The following FER1L5 variants were observed in gnomAD, a reference collection of about 807,000 sequenced individuals.
FER1L5 encodes fer-1 like family member 5.
In FER1L5, 187 loss-of-function variants were observed where a neutral mutation model predicts 279.9. The ratio of observed to expected loss-of-function variants is 0.67; its 90% CI spans 0.59 to 0.75. The LOEUF is 0.75. FER1L5 is among the 30% of genes least tolerant of loss of function. The pLI, the probability that FER1L5 is intolerant of heterozygous loss-of-function variation, is 0.00. For missense variants in FER1L5, 2,091 were observed against 2,594.4 expected (o/e 0.81, Z 4.21); for synonymous variants, 921 against 989.7 (o/e 0.93, Z 1.30).
chr2:96,672,088 T>A (rs533427139), intron 18 of FER1L5, among the ~76,000 whole-genome samples: 35 of 151,946 alleles, frequency 2.3e-4, no homozygotes, highest in South Asian at 6.2e-4. Flanking sequence ...AGTAAAAAAA[T>A]TTTTTTTGAG....
Position 96,670,210 on chromosome 2 carries a change from C to T in FER1L5, c.1454C>T (p.Thr485Met), listed in dbSNP as rs1247011448. 1.6e-5 allele frequency: 25 copies of T among 1,551,406 alleles called. 1 individual carries two copies. Among genetic ancestry groups the T allele is most frequent in the Middle Eastern group, 3.3e-4 (2 of 6,014 alleles). The part of the protein sequence containing the change: ...ITQIKSYQDS[T>M]IKDLSHEVTR... ...CAAATCAAGTCCTATCAAGACTCCA[C>T]GATAAAGGATCTCTCCCATGAAGTG... The change falls in exon 18 of 53, where the codon ACG becomes ATG. Residue 485 changes from threonine (T) to methionine (M), a missense_variant. Physicochemically the swap from Thr to Met is moderately conservative, Grantham distance 81 (BLOSUM62 -1). Transcript: ENST00000624922.
intron 23 of FER1L5, among the ~76,000 whole-genome samples, chr2:96,686,908 C>G (rs1304630439): frequency 6.6e-6 from 1 of 151,592 alleles, no homozygotes; most frequent in African/African-American, 2.4e-5. Flanking sequence ...CCTCTATCAT[C>G]CTCATGGCCA....
In FER1L5 at chr2:96,698,654, C is replaced by A. The variant is rs748315673; in HGVS notation, c.4357-17C>A. On this transcript the variant is annotated splice_polypyrimidine_tract_variant and intron_variant, in intron 40 of 52. Coordinates refer to ENST00000624922, the MANE Select transcript of FER1L5 (RefSeq NM_001293083.2). This position sits in a 1 kb window ranked among gnomAD's most constrained non-coding sequence, Gnocchi z 5.5. ...CAGCACTGCCAGGCTGGGCCCCCAA[C>A]ACCCTCCCCCCGCCAGGGCCTTTTC... The A allele has an allele frequency of 6.4e-7, 1 of 1,571,518 alleles. No individual in the cohort carries two copies. Among genetic ancestry groups the A allele is most frequent in the South Asian group, 1.2e-5 (1 of 85,334 alleles).
intron 31 of FER1L5, 42 bp from the exon 32 acceptor site, chr2:96,693,456 GCCCCTCTT>G: frequency 2.7e-6 from 4 of 1,493,810 alleles, no homozygotes; most frequent in Non-Finnish European, 3.6e-6. Context: ...GGAGAGGAAA[GCCCCTCTT>G]CCCAGCTCAA....
intron 5 of FER1L5, among the ~76,000 whole-genome samples, 198 bp from the exon 6 acceptor site, chr2:96,649,982 G>T (rs1170806700): frequency 6.6e-6 from 1 of 152,218 alleles, no homozygotes; most frequent in African/African-American, 2.4e-5. Context: ...TGTGGAGCAG[G>T]GTCCAGGGAT....
intron 11 of FER1L5, 102 bp downstream of exon 11, chr2:96,661,542 C>T (rs867574805): frequency 1.7e-4 from 254 of 1,505,016 alleles, no homozygotes; most frequent in African/African-American, 1.5e-3. Flanking sequence ...CTCCTTTGTC[C>T]GCTGCGTCAC....
At chr2:96,652,267 A>T in intron 7 of FER1L5, 4 of 524,688 alleles carry the variant, frequency 7.6e-6, no homozygotes, top group Non-Finnish European at 1.4e-5. Context: ...AACAGAGCAG[A>T]TCCTGGTTTA....
rs567283154 is a variant in FER1L5, at chr2:96,704,701, T to A, written c.*9T>A. The A allele has an allele frequency of 4.9e-5, 79 of 1,611,592 alleles. No homozygotes were observed. In the South Asian group the frequency reaches 8.5e-4, roughly 17 times the overall value. On this transcript the variant is annotated 3_prime_UTR_variant, in exon 53 of 53. Transcript: ENST00000624922. Reference sequence around the variant, plus strand: ...CAGCCCCAGGAGACTAATTAGTCCATGCTGCCTGGCTTTCCTCCTGCTACC... The same window carrying A: ...CAGCCCCAGGAGACTAATTAGTCCAAGCTGCCTGGCTTTCCTCCTGCTACC...
At chr2:96,680,157 A>G (rs144635832) in intron 19 of FER1L5, among the ~76,000 whole-genome samples, 2 of 152,016 alleles carry the variant, frequency 1.3e-5, no homozygotes, top group Non-Finnish European at 2.9e-5. Flanking sequence ...TGCAGATTAT[A>G]TCTGTCTCCT....
chr2:96,688,613 A>G (rs898193964), intron 24 of FER1L5, among the ~76,000 whole-genome samples: 12 of 152,148 alleles, frequency 7.9e-5, no homozygotes, highest in African/African-American at 2.9e-4. Flanking sequence ...ACTGAATTAA[A>G]ACATACGTTT....
In FER1L5 at chr2:96,701,806, T is replaced by C. The variant is rs536944508; in HGVS notation, c.5071-149T>C. On this transcript the variant is annotated intron_variant, in intron 45 of 52. Coordinates refer to ENST00000624922, the MANE Select transcript of FER1L5 (RefSeq NM_001293083.2). ...AGGGGGAAGCTGGTGCGTGGTCACCTGCGGCCTCACAGATATCTCTGTACC... is the reference window on the plus strand; with the variant it reads ...AGGGGGAAGCTGGTGCGTGGTCACCCGCGGCCTCACAGATATCTCTGTACC... 65 of 674,758 alleles carry C rather than the reference T, an allele frequency of 9.6e-5. No homozygotes were observed. The African/African-American group carries it at 1.1e-3, about 11-fold the overall frequency. The allele number at this position is 674,758 out of a possible 1,614,324, so 41.8% of individuals were successfully genotyped here. A position where few individuals can be genotyped will look rare whatever the true frequency, so the allele number is the denominator to read the frequency against.
Position 96,669,116 on chromosome 2 carries a change from C to T in FER1L5, c.1341C>T (p.Phe447=). 1 of 1,551,714 alleles carries T rather than the reference C, an allele frequency of 6.4e-7. No individual in the cohort carries two copies. The highest frequency in any genetic ancestry group is 8.7e-7 in the Non-Finnish European group (1 of 1,146,996). ...TGCATGGGGGTAAAAAGGCCCCTTT[C>T]AGGATCCAGGAAGAAGGCGCTGTAA... ...LTLHGGKKAP[F]RIQEEGACIP... The change falls in exon 17 of 53, where the codon TTC becomes TTT. Residue 447 remains phenylalanine (F), a synonymous_variant. Coordinates refer to ENST00000624922, the MANE Select transcript of FER1L5 (RefSeq NM_001293083.2).
rs577027592 is a variant in FER1L5, at chr2:96,692,181, G to C, written c.3292G>C (p.Gly1098Arg). Reference protein sequence around the residue: ...LVSNQILTFQGPFIRVVFLNH... With the variant: ...LVSNQILTFQRPFIRVVFLNH... ...GTCCAATCAGATCCTGACATTCCAA[G>C]GTAGGTGGCAGGCAGCCTTGTCCCC... The change falls in exon 31 of 53, where the codon GGG (glycine) becomes CGG (arginine). Residue 1098 changes from glycine (G) to arginine (R), a missense_variant and splice_region_variant. Transcript: ENST00000624922. 3 of 1,551,692 alleles carry C rather than the reference G, an allele frequency of 1.9e-6. No individual in the cohort carries two copies. In the African/African-American group the frequency reaches 4.1e-5, roughly 21 times the overall value.
At chr2:96,650,089 G>A in intron 5 of FER1L5, 91 bp from the exon 6 acceptor site, 2 of 990,790 alleles carry the variant, frequency 2.0e-6, no homozygotes. Context: ...TCAGGAGATG[G>A]TCACTGGGGA....
In FER1L5 at chr2:96,699,966, C is replaced by T. The variant is rs1355729045; in HGVS notation, c.4816C>T (p.Pro1606Ser). The T allele has an allele frequency of 6.2e-7, 1 of 1,613,968 alleles. No homozygotes were observed. The highest frequency in any genetic ancestry group is 1.1e-5 in the South Asian group (1 of 91,086). ...GPFRWRDQMPPSYLLERYAKR... is the reference protein window; with the variant it reads ...GPFRWRDQMPSSYLLERYAKR... ...CTTTAGATGGCGGGATCAGATGCCC[C>T]CAAGCTACCTCCTAGAACGCTATGC... Residue 1606 changes from proline to serine, a missense_variant, in exon 44 of 53, where the codon CCA (proline) becomes TCA (serine). Physicochemically the swap from Pro to Ser is moderately conservative, Grantham distance 74. Transcript: ENST00000624922.
chr2:96,690,814 G>A (rs1171651289), intron 27 of FER1L5, among the ~76,000 whole-genome samples: 2 of 152,234 alleles, frequency 1.3e-5, no homozygotes, highest in Non-Finnish European at 2.9e-5. Flanking sequence ...AGAGCAAGGC[G>A]TGGCAGATGC....
At chr2:96,673,582 ATTT>A (rs757558797) in intron 19 of FER1L5, among the ~76,000 whole-genome samples, 1 of 151,868 alleles carries the variant, frequency 6.6e-6, no homozygotes, top group Admixed American at 6.6e-5. Context: ...GCATCCATCT[ATTT>A]TTTATCCATC....
intron 1 of FER1L5, among the ~76,000 whole-genome samples, chr2:96,645,692 C>T (rs1287110635): frequency 6.6e-6 from 1 of 152,024 alleles, no homozygotes; most frequent in Non-Finnish European, 1.5e-5. Context: ...GGGAGGATGA[C>T]TTGAGCCTGG....
In FER1L5 at chr2:96,689,868, C is replaced by CACA; in HGVS notation, c.2640+110_2640+111insACA. 4.2e-6 allele frequency: 4 copies of CACA among 961,552 alleles called. No individual in the cohort carries two copies. The highest frequency in any genetic ancestry group is 4.6e-6 in the Non-Finnish European group (3 of 655,136). The allele number at this position is 961,552 out of a possible 1,614,324, so 59.6% of individuals were successfully genotyped here. A position where few individuals can be genotyped will look rare whatever the true frequency, so the allele number is the denominator to read the frequency against. ...AAGGGTCTGAGCCCTATGCCCTGCA[C>CACA]TATGTGTGGGGCCCCGGGTGAGCGC... On this transcript the variant is annotated intron_variant, in intron 26 of 52. Coordinates refer to ENST00000624922, the MANE Select transcript of FER1L5 (RefSeq NM_001293083.2). The surrounding 1 kb of genome is among the most constrained non-coding windows in gnomAD (Gnocchi z 4.6).
Sources: allele counts gnomAD v4.1 joint callset (sites outside exome capture counted in the v4.1 genomes callset), GRCh38; gene constraint gnomAD v4.1.1; non-coding constraint Gnocchi (gnomAD v3.1); transcripts MANE v1.5; gene names NCBI Gene and HGNC (gene_info 2026-07-23, HGNC 2026-07-21).